The following INPP5A variants were observed in gnomAD, a reference collection of about 807,000 sequenced individuals.
The protein encoded by INPP5A is 43 kDa inositol polyphosphate 5-phophatase.
Under a neutral mutation model 65.2 loss-of-function variants are expected in INPP5A, and 14 were observed. The observed-to-expected ratio is 0.21, with a 90% CI of 0.14 to 0.34. The LOEUF (loss-of-function observed/expected upper bound fraction) is 0.34, where lower values mean the gene tolerates loss of function less well. Among genes scored for constraint, INPP5A ranks in the 10% least tolerant of loss-of-function variants. The pLI is 1.00. For synonymous variants in INPP5A, 207 were observed against 208.3 expected (o/e 0.99, Z 0.05); for missense variants, 431 against 545.6 (o/e 0.79, Z 2.09).
At chr10:132,569,124 C>G (rs900420438) in intron 1 of INPP5A, among the ~76,000 whole-genome samples, 1 of 151,906 alleles carries the variant, frequency 6.6e-6, no homozygotes, top group African/African-American at 2.4e-5. Context: ...CCATGTTGGT[C>G]TTACTGGTAT....
chr10:132,766,224 G>A (rs1176528409), intron 12 of INPP5A, among the ~76,000 whole-genome samples: 1 of 152,266 alleles, frequency 6.6e-6, no homozygotes, highest in Non-Finnish European at 1.5e-5. Context: ...CTGCACTTGT[G>A]TGCAAACTGC....
At chr10:132,634,200 C>T (rs537420684) in intron 2 of INPP5A, among the ~76,000 whole-genome samples, 4 of 152,290 alleles carry the variant, frequency 2.6e-5, no homozygotes, top group South Asian at 4.1e-4. Context: ...TTGTAGCTTT[C>T]GTGAAGTTAG....
At chr10:132,680,971 C>G (rs1378818895) in intron 4 of INPP5A, among the ~76,000 whole-genome samples, 3 of 152,232 alleles carry the variant, frequency 2.0e-5, no homozygotes, top group African/African-American at 7.2e-5. Context: ...GGAGCCTCCC[C>G]GACGAGCTCC....
In INPP5A at chr10:132,710,321, T is replaced by A. The variant is rs1845612311; in HGVS notation, c.528-16T>A. 1 of 1,613,408 alleles carries A rather than the reference T, an allele frequency of 6.2e-7. No individual in the cohort carries two copies. ...TCCGGCCCTTGGTGACGTGTCCTTT[T>A]CTCTTTTGGTTGCAGTGCCTTTGAC... On this transcript the variant is annotated splice_polypyrimidine_tract_variant and intron_variant, in intron 7 of 15. Coordinates refer to ENST00000368594, the MANE Select transcript of INPP5A (RefSeq NM_005539.5).
At chr10:132,653,674 A>T (rs1390040084) in intron 4 of INPP5A, among the ~76,000 whole-genome samples, 2 of 152,276 alleles carry the variant, frequency 1.3e-5, no homozygotes, top group African/African-American at 4.8e-5. Flanking sequence ...AAAAGTCTCA[A>T]ATATTTGGAA....
intron 11 of INPP5A, among the ~76,000 whole-genome samples, chr10:132,757,318 A>G (rs773826439): frequency 2.0e-5 from 3 of 152,224 alleles, no homozygotes; most frequent in Non-Finnish European, 4.4e-5. Context: ...CAGCCCTGCC[A>G]GCTCCCTTCG....
intron 1 of INPP5A, among the ~76,000 whole-genome samples, chr10:132,552,737 G>A (rs557786238): frequency 6.9e-6 from 1 of 144,450 alleles, no homozygotes; most frequent in African/African-American, 2.6e-5. Flanking sequence ...GTAGGATAGG[G>A]AGGGAGGATT....
chr10:132,742,452 C>T (rs1037742780), intron 9 of INPP5A, among the ~76,000 whole-genome samples: 4 of 152,174 alleles, frequency 2.6e-5, no homozygotes, highest in South Asian at 4.1e-4. Flanking sequence ...CAGGTCTGAG[C>T]GAGAGGGCCA....
chr10:132,783,086 T>A lies in INPP5A; in HGVS notation c.*1057T>A, dbSNP rs1354410765. ...AGAAACAAAACTGTACATTTCCTCA[T>A]TGCTCCGCTACAGACAACCCATGTC... On this transcript the variant is annotated 3_prime_UTR_variant, in exon 16 of 16. Coordinates refer to ENST00000368594, the MANE Select transcript of INPP5A (RefSeq NM_005539.5). 2 of 152,452 alleles carry A rather than the reference T, an allele frequency of 1.3e-5. No homozygotes were observed. Among genetic ancestry groups the A allele is most frequent in the African/African-American group, 4.8e-5 (2 of 41,472 alleles). 9.4% of individuals were successfully genotyped at this position (152,452 alleles called of 1,614,324 possible).
rs925661350 is a variant in INPP5A, at chr10:132,582,672, C to T, written c.76-25243C>T. On this transcript the variant is annotated intron_variant, in intron 1 of 15. Transcript: ENST00000368594. ...TTGGGCTCAAGCAGCCCTCCTGCAT[C>T]GAACTCCCAAAGTGCTGGGTTTACA... Among the ~76,000 whole-genome samples the T allele has an allele frequency of 6.6e-5, 10 of 152,182 alleles. No homozygotes were observed. In the South Asian group the frequency reaches 1.0e-3, roughly 16 times the overall value.
Position 132,549,813 on chromosome 10 carries a change from C to G in INPP5A, c.75+11642C>G, listed in dbSNP as rs532640820. 1.3e-5 allele frequency among the ~76,000 whole-genome samples: 2 copies of G among 152,360 alleles called. No individual in the cohort carries two copies. The highest frequency in any genetic ancestry group is 2.1e-4 in the South Asian group (1 of 4,828). On this transcript the variant is annotated intron_variant, in intron 1 of 15. Transcript: ENST00000368594. The surrounding 1 kb of genome is among the most constrained non-coding windows in gnomAD (Gnocchi z 4.9). Reference sequence around the variant, plus strand: ...TGGTGGGGTTGGTGTGTCTCTGTTACAGGATTGGTGTGACGTCTGAGTCAC... The same window carrying G: ...TGGTGGGGTTGGTGTGTCTCTGTTAGAGGATTGGTGTGACGTCTGAGTCAC...
At chr10:132,553,405 A>G (rs1261576433) in intron 1 of INPP5A, among the ~76,000 whole-genome samples, 1 of 101,790 alleles carries the variant, frequency 9.8e-6, no homozygotes, top group Admixed American at 1.1e-4. Flanking sequence ...GCCTTGGTGG[A>G]ATATTGAGTA....
Position 132,537,793 on chromosome 10 carries a change from C to A in INPP5A, c.-304C>A. 2.7e-6 allele frequency: 1 copy of A among 368,108 alleles called. No individual in the cohort carries two copies. Among genetic ancestry groups the A allele is most frequent in the South Asian group, 1.3e-4 (1 of 7,560 alleles). The allele number at this position is 368,108 out of a possible 1,614,324, so 22.8% of individuals were successfully genotyped here. ...CTCGGCTCCGCGGGGCGGGACTTGC[C>A]CTCAGCCTGAGTCGGCGGCGGCTGC... On this transcript the variant is annotated 5_prime_UTR_variant, in exon 1 of 16. Transcript: ENST00000368594.
intron 1 of INPP5A, among the ~76,000 whole-genome samples, chr10:132,583,595 T>C (rs185046240): frequency 6.6e-6 from 1 of 152,324 alleles, no homozygotes; most frequent in East Asian, 1.9e-4. Context: ...GGTTTCCTTG[T>C]ATTTCATACT....
At chr10:132,548,341 A>G (rs1156984572) in intron 1 of INPP5A, among the ~76,000 whole-genome samples, 1 of 152,052 alleles carries the variant, frequency 6.6e-6, no homozygotes, top group Non-Finnish European at 1.5e-5. Flanking sequence ...GGCCAGGGGA[A>G]GGGGTGTTGA....
At chr10:132,665,214 T>A (rs2072786828) in intron 4 of INPP5A, among the ~76,000 whole-genome samples, 1 of 152,110 alleles carries the variant, frequency 6.6e-6, no homozygotes, top group Admixed American at 6.5e-5. Context: ...GCACTTCACT[T>A]CCATCCCGAG....
In INPP5A at chr10:132,690,437, T is replaced by C. The variant is rs1482790424; in HGVS notation, c.352T>C (p.Tyr118His). The part of the protein sequence containing the change: ...YFLHESLKNI[Y>H]QFDFKAKKYR... ...TCTTCATGAGTCCTTAAAAAACATC[T>C]ACCAGTTTGACTTTAAAGGTAAGAC... The change falls in exon 5 of 16, where the codon TAC becomes CAC. Residue 118 changes from tyrosine (Y) to histidine (H), a missense_variant. Physicochemically the swap from Tyr to His is moderately conservative, Grantham distance 83. Transcript: ENST00000368594. 1 of 1,612,790 alleles carries C rather than the reference T, an allele frequency of 6.2e-7. No individual in the cohort carries two copies. Among genetic ancestry groups the C allele is most frequent in the Admixed American group, 1.7e-5 (1 of 60,034 alleles).
chr10:132,556,032 G>A (rs2071121007), intron 1 of INPP5A, among the ~76,000 whole-genome samples: 3 of 152,072 alleles, frequency 2.0e-5, no homozygotes, highest in Non-Finnish European at 2.9e-5. Context: ...TGTCTCGGGG[G>A]GCTGCCCGGC....
intron 9 of INPP5A, among the ~76,000 whole-genome samples, chr10:132,730,429 G>T (rs1846063972): frequency 6.6e-6 from 1 of 152,236 alleles, no homozygotes; most frequent in Non-Finnish European, 1.5e-5. Flanking sequence ...GGCGCCATCT[G>T]CTGCAGGACA....
Sources: allele counts gnomAD v4.1 joint callset (sites outside exome capture counted in the v4.1 genomes callset), GRCh38; gene constraint gnomAD v4.1.1; non-coding constraint Gnocchi (gnomAD v3.1); transcripts MANE v1.5; gene names NCBI Gene and HGNC (gene_info 2026-07-23, HGNC 2026-07-21).